The following SEC61A2 variants were observed in gnomAD, a reference collection of about 807,000 sequenced individuals.
SEC61A2 encodes the protein protein transport protein Sec61 subunit alpha isoform 2.
In SEC61A2, 28 loss-of-function variants were observed where a neutral mutation model predicts 59.9. The ratio of observed to expected loss-of-function variants is 0.47; its 90% confidence interval spans 0.35 to 0.64. The LOEUF is 0.64. SEC61A2 is among the 30% of genes least tolerant of loss of function. The pLI, the probability that SEC61A2 is intolerant of heterozygous loss-of-function variation, is 0.01. For missense variants in SEC61A2, 340 were observed against 585.9 expected, an observed-to-expected ratio of 0.58 and a Z score of 4.33; for synonymous variants, 202 against 214.4, an observed-to-expected ratio of 0.94 and a Z score of 0.50.
chr10:12,141,048 A>G (rs1337886085), intron 3 of SEC61A2, among the ~76,000 whole-genome samples: 4 of 151,862 alleles, frequency 2.6e-5, no homozygotes, highest in African/African-American at 7.3e-5. Context: ...TACAGGCACG[A>G]GCCGCCACTC....
At position 12,161,171 on chromosome 10, in the gene SEC61A2, C is replaced by T. The variant is rs377596611; in HGVS notation, c.1167+50C>T. 8.4e-5 allele frequency: 121 copies of T among 1,441,044 alleles called. No individual in the cohort carries two copies. Among genetic ancestry groups the T allele is most frequent in the Middle Eastern group, 7.8e-4 (4 of 5,148 alleles). The allele number at this position is 1,441,044 out of a possible 1,614,324, so 89.3% of individuals were successfully genotyped here. ...TAAAACTCTTGGCAATGCATGGTGG[C>T]GCACATCTGTAATCGTAGCACTTTG... On this transcript the variant is annotated intron_variant, in intron 10 of 11. Coordinates refer to ENST00000298428, the MANE Select transcript of SEC61A2 (RefSeq NM_018144.4). This position sits in a 1 kb window ranked among gnomAD's most constrained non-coding sequence, Gnocchi z 5.4.
rs1348903610 is a variant in SEC61A2, at chr10:12,164,030, TTG to T, written c.1245-236_1245-235del. 6.6e-6 allele frequency among the ~76,000 whole-genome samples: 1 copy of T among 152,242 alleles called. No homozygotes were observed. Among genetic ancestry groups the T allele is most frequent in the Admixed American group, 6.5e-5 (1 of 15,288 alleles). On this transcript the variant is annotated intron_variant, in intron 11 of 11. Coordinates refer to ENST00000298428, the MANE Select transcript of SEC61A2 (RefSeq NM_018144.4). This position sits in a 1 kb window ranked among gnomAD's most constrained non-coding sequence, Gnocchi z 7.3. The stretch of plus-strand genomic sequence containing the variant: ...ATCTCATGTCCTGTAAGATTACATA[TTG>T]TCTTTCTTGGCTGTTGACTGGTTCC...
At position 12,154,132 on chromosome 10, in the gene SEC61A2, G is replaced by T. The variant is rs1307935184; in HGVS notation, c.463-1646G>T. ...GTCCATTCCCCGTGAACATGTAGCA[G>T]TTAGGGTTCTGGTCCCATCACTGTA... On this transcript the variant is annotated intron_variant, in intron 6 of 11. Coordinates refer to ENST00000298428, the MANE Select transcript of SEC61A2 (RefSeq NM_018144.4). This position sits in a 1 kb window ranked among gnomAD's most constrained non-coding sequence, Gnocchi z 5.2. Among the ~76,000 whole-genome samples, 1 of 152,220 alleles carries T rather than the reference G, an allele frequency of 6.6e-6. No homozygotes were observed. The highest frequency in any genetic ancestry group is 1.5e-5 in the Non-Finnish European group (1 of 68,030).
Position 12,153,195 on chromosome 10 carries a change from AT to A in SEC61A2, c.463-2579del, listed in dbSNP as rs113618307. On this transcript the variant is annotated intron_variant, in intron 6 of 11. Transcript: ENST00000298428. This position sits in a 1 kb window ranked among gnomAD's most constrained non-coding sequence, Gnocchi z 5.2. ...GGGAGAGATGATATTCTGGAGTCTG[AT>A]TTTAGTATCTTTCAGGGCTTAGGGT... Among the ~76,000 whole-genome samples the A allele has an allele frequency of 3.7e-4, 57 of 152,260 alleles. No individual in the cohort carries two copies. Among genetic ancestry groups the A allele is most frequent in the African/African-American group, 1.3e-3 (56 of 41,560 alleles).
In SEC61A2 at chr10:12,133,082, A is replaced by G. The variant is rs557547777; in HGVS notation, c.8-159A>G. On this transcript the variant is annotated intron_variant, in intron 1 of 11. Transcript: ENST00000298428. ...CCTGGAATGATATCTCTTCCTTTACATATCATTTGAAATGGAGAACAGTAT... is the reference window on the plus strand; with the variant it reads ...CCTGGAATGATATCTCTTCCTTTACGTATCATTTGAAATGGAGAACAGTAT... 1.6e-4 allele frequency among the ~76,000 whole-genome samples: 25 copies of G among 152,370 alleles called. No homozygotes were observed. In the South Asian group the frequency reaches 5.2e-3, roughly 32 times the overall value.
At chr10:12,134,037 C>T (rs998968033) in intron 2 of SEC61A2, among the ~76,000 whole-genome samples, 8 of 152,208 alleles carry the variant, frequency 5.3e-5, no homozygotes, top group Admixed American at 2.0e-4. Context: ...GACGGAGTCT[C>T]GCTCTGTCCC....
intron 1 of SEC61A2, among the ~76,000 whole-genome samples, chr10:12,131,002 A>C (rs990612598): frequency 6.6e-6 from 1 of 152,090 alleles, no homozygotes; most frequent in South Asian, 2.1e-4. Context: ...ATGAAACCCC[A>C]TCTCTACTAA....
At chr10:12,148,262 T>G (rs7917211) in intron 4 of SEC61A2, among the ~76,000 whole-genome samples, 1 of 117,010 alleles carries the variant, frequency 8.5e-6, no homozygotes, top group East Asian at 2.4e-4. Flanking sequence ...TTTTTTTTTT[T>G]AAGACAGAAT....
intron 2 of SEC61A2, among the ~76,000 whole-genome samples, chr10:12,133,758 GATTC>G (rs537846190): frequency 1.1e-3 from 167 of 152,278 alleles, no homozygotes; most frequent in African/African-American, 3.9e-3. Context: ...CCCATTTCTT[GATTC>G]ATTCGTTGGA....
chr10:12,142,978 CAG>C lies in SEC61A2; in HGVS notation c.142-136_142-135del. The C allele has an allele frequency of 1.7e-6, 1 of 583,616 alleles. No individual in the cohort carries two copies. The highest frequency in any genetic ancestry group is 2.9e-5 in the East Asian group (1 of 35,042). 36.2% of individuals were successfully genotyped at this position (583,616 alleles called of 1,614,324 possible). A position where few individuals can be genotyped will look rare whatever the true frequency, so the allele number is the denominator to read the frequency against. Reference sequence around the variant, plus strand: ...CACTTTATACTTTTTTTTTTTGAGACAGAGTCTCCTGTCACCCAGGCTGGAGT... The same window carrying C: ...CACTTTATACTTTTTTTTTTTGAGACAGTCTCCTGTCACCCAGGCTGGAGT... On this transcript the variant is annotated intron_variant, in intron 3 of 11. Coordinates refer to ENST00000298428, the MANE Select transcript of SEC61A2 (RefSeq NM_018144.4). The surrounding 1 kb of genome is among the most constrained non-coding windows in gnomAD (Gnocchi z 5.4).
rs1834527290 is a variant in SEC61A2, at chr10:12,161,503, G to A, written c.1167+382G>A. Among the ~76,000 whole-genome samples the A allele has an allele frequency of 6.6e-6, 1 of 152,182 alleles. No homozygotes were observed. The highest frequency in any genetic ancestry group is 1.5e-5 in the Non-Finnish European group (1 of 68,042). On this transcript the variant is annotated intron_variant, in intron 10 of 11. Transcript: ENST00000298428. This position sits in a 1 kb window ranked among gnomAD's most constrained non-coding sequence, Gnocchi z 5.4. ...CACGCCTGTAATCCCAGCACTTCGG[G>A]AGGCCGAGGTGGGCAGATCCCATGG... is the stretch of plus-strand genomic sequence containing the variant.
rs1834077620 is a variant in SEC61A2 at position 12,143,744 on chromosome 10, G to A, written c.220+549G>A. Among the ~76,000 whole-genome samples, 1 of 152,002 alleles carries A rather than the reference G, an allele frequency of 6.6e-6. No homozygotes were observed. The highest frequency in any genetic ancestry group is 1.5e-5 in the Non-Finnish European group (1 of 67,990). On this transcript the variant is annotated intron_variant, in intron 4 of 11. Coordinates refer to ENST00000298428, the MANE Select transcript of SEC61A2 (RefSeq NM_018144.4). The surrounding 1 kb of genome is among the most constrained non-coding windows in gnomAD (Gnocchi z 4.8). ...TAAGACTCTGCCTCCAAAAAAAAAG[G>A]GAGTCCAGTGTGTGAGCCAATCGGG...
In SEC61A2 at chr10:12,149,779, T is replaced by TA. The variant is rs1320867890; in HGVS notation, c.352+56dup. The TA allele has an allele frequency of 2.5e-6, 4 of 1,606,774 alleles. No individual in the cohort carries two copies. Among genetic ancestry groups the TA allele is most frequent in the Non-Finnish European group, 3.4e-6 (4 of 1,176,030 alleles). On this transcript the variant is annotated intron_variant, in intron 5 of 11. Transcript: ENST00000298428. The surrounding 1 kb of genome is among the most constrained non-coding windows in gnomAD (Gnocchi z 5.2). Reference sequence around the variant, plus strand: ...TCTCCAAATTTGAGAGTGCTCGTGGTAAAGATGTTTTCTCTAGTCTTTTCT... The same window carrying TA: ...TCTCCAAATTTGAGAGTGCTCGTGGTAAAAGATGTTTTCTCTAGTCTTTTCT...
chr10:12,129,676 C>T, upstream of SEC61A2: 3 of 1,089,350 alleles, frequency 2.8e-6, no homozygotes, highest in South Asian at 1.5e-5. This position sits in a 1 kb window ranked among gnomAD's most constrained non-coding sequence, Gnocchi z 5.6. Flanking sequence ...GCGGAGCCTG[C>T]GCGGGGCCGG....
Position 12,165,218 on chromosome 10 carries a change from AAGCAAAG to A in SEC61A2, c.*766_*772del. 1.0e-6 allele frequency: 1 copy of A among 985,384 alleles called. No individual in the cohort carries two copies. The highest frequency in any genetic ancestry group is 1.2e-6 in the Non-Finnish European group (1 of 829,916). The allele number at this position is 985,384 out of a possible 1,614,324, so 61.0% of individuals were successfully genotyped here. On this transcript the variant is annotated 3_prime_UTR_variant, in exon 12 of 12. Coordinates refer to ENST00000298428, the MANE Select transcript of SEC61A2 (RefSeq NM_018144.4). Reference sequence around the variant, plus strand: ...CGATTCTTTTCTGTTTAAATCCCTAAAGCAAAGATCTAATTCTCAAGCAATGTCTGTA... The same window carrying A: ...CGATTCTTTTCTGTTTAAATCCCTAAATCTAATTCTCAAGCAATGTCTGTA...
intron 1 of SEC61A2, among the ~76,000 whole-genome samples, chr10:12,130,519 T>C (rs926872951): frequency 1.3e-5 from 2 of 152,140 alleles, no homozygotes; most frequent in African/African-American, 2.4e-5. Context: ...AGACCCGTGG[T>C]AAAATTTTGC....
intron 2 of SEC61A2, among the ~76,000 whole-genome samples, chr10:12,135,281 G>A (rs1483311814): frequency 2.0e-5 from 3 of 151,970 alleles, no homozygotes; most frequent in Non-Finnish European, 4.4e-5. Context: ...AAACCGGCAC[G>A]TTCAGCACAT....
chr10:12,139,255 C>T lies in SEC61A2; in HGVS notation c.141+3085C>T, dbSNP rs1296544634. On this transcript the variant is annotated intron_variant, in intron 3 of 11. Transcript: ENST00000298428. Reference sequence around the variant, plus strand: ...GGGATTACAGGCGTGAGCCACCACGCCCGGCCCTCGGTTGCCCCATTTTGT... The same window carrying T: ...GGGATTACAGGCGTGAGCCACCACGTCCGGCCCTCGGTTGCCCCATTTTGT... 3.3e-5 allele frequency among the ~76,000 whole-genome samples: 5 copies of T among 151,500 alleles called. No individual in the cohort carries two copies. The East Asian group carries it at 9.8e-4, about 30-fold the overall frequency.
intron 4 of SEC61A2, among the ~76,000 whole-genome samples, chr10:12,144,519 C>G (rs1274085472): frequency 6.6e-6 from 1 of 152,106 alleles, no homozygotes; most frequent in Non-Finnish European, 1.5e-5. Context: ...GTGTGTCAGC[C>G]TTTGTGCAAG....
Sources: allele counts gnomAD v4.1 joint callset (sites outside exome capture counted in the v4.1 genomes callset), GRCh38; gene constraint gnomAD v4.1.1; non-coding constraint Gnocchi (gnomAD v3.1); transcripts MANE v1.5; gene names NCBI Gene and HGNC (gene_info 2026-07-23, HGNC 2026-07-21).